Variants in FRMD5 observed in about 807,000 individuals in gnomAD.
FRMD5 encodes FERM domain containing 5, also known as FERM domain-containing protein 5.
FRMD5 carries 20 observed loss-of-function variants against 69.0 expected under a neutral mutation model. That is an observed-to-expected ratio of 0.29 (90% CI 0.20 to 0.42). The LOEUF (loss-of-function observed/expected upper bound fraction) is 0.42. FRMD5 is among the 10% of genes least tolerant of loss of function. The pLI, the probability that FRMD5 is intolerant of heterozygous loss-of-function variation, is 1.00. For synonymous variants in FRMD5, 271 were observed against 260.1 expected (o/e 1.04, Z -0.40); for missense variants, 595 against 708.6 (o/e 0.84, Z 1.82).
At chr15:43,908,923 G>A (rs1157230934) in intron 5 of FRMD5, among the ~76,000 whole-genome samples, 1 of 152,140 alleles carries the variant, frequency 6.6e-6, no homozygotes, top group Non-Finnish European at 1.5e-5. Flanking sequence ...TGCCTGAGAG[G>A]ATGGGGAAAA....
chr15:44,023,700 T>C (rs939476502), intron 1 of FRMD5, among the ~76,000 whole-genome samples: 1 of 152,152 alleles, frequency 6.6e-6, no homozygotes, highest in Non-Finnish European at 1.5e-5. Context: ...ATTACAAGAA[T>C]TGGCAAACAC....
chr15:44,108,658 A>G (rs978912635), intron 1 of FRMD5, among the ~76,000 whole-genome samples: 3 of 151,984 alleles, frequency 2.0e-5, no homozygotes, highest in African/African-American at 7.3e-5. Context: ...TAACAACACC[A>G]AAAAACAAAA....
At chr15:44,051,139 C>CTTTTTTT (rs779951038) in intron 1 of FRMD5, among the ~76,000 whole-genome samples, 5 of 78,396 alleles carry the variant, frequency 6.4e-5, no homozygotes, top group Admixed American at 1.4e-4. Flanking sequence ...CATTCAGTCA[C>CTTTTTTT]TTTTTTTTTT....
chr15:43,873,371 C>G lies in FRMD5; in HGVS notation c.*514G>C. On this transcript the variant is annotated 3_prime_UTR_variant, in exon 14 of 14. Transcript: ENST00000417257. The stretch of plus-strand genomic sequence containing the variant: ...AACAAACAAAAAACTAAACAGTCCC[C>G]ATTGTCCAGATCCCTGGCCTGCCCT... 1 of 1,458,188 alleles carries G rather than the reference C, an allele frequency of 6.9e-7. No homozygotes were observed. Among genetic ancestry groups the G allele is most frequent in the Non-Finnish European group, 9.0e-7 (1 of 1,113,146 alleles). 90.3% of individuals were successfully genotyped at this position (1,458,188 alleles called of 1,614,324 possible).
intron 3 of FRMD5, 21 bp from the exon 4 acceptor site, chr15:43,919,558 T>C: frequency 6.2e-7 from 1 of 1,612,198 alleles, no homozygotes; most frequent in Non-Finnish European, 8.5e-7. Context: ...AAAGAGGTGC[T>C]CATCAGGGAA....
intron 1 of FRMD5, among the ~76,000 whole-genome samples, chr15:44,106,156 G>A (rs1017433522): frequency 3.3e-5 from 5 of 151,998 alleles, no homozygotes; most frequent in African/African-American, 1.2e-4. Flanking sequence ...TGTTTCCTAA[G>A]AAAACACTTA....
chr15:44,057,937 T>C (rs1892937697), intron 1 of FRMD5, among the ~76,000 whole-genome samples: 1 of 152,200 alleles, frequency 6.6e-6, no homozygotes, highest in Admixed American at 6.5e-5. Flanking sequence ...GTGAAAACCA[T>C]GGAGTCCTAT....
intron 7 of FRMD5, among the ~76,000 whole-genome samples, chr15:43,898,710 C>A (rs781157493): frequency 6.6e-6 from 1 of 152,154 alleles, no homozygotes; most frequent in Non-Finnish European, 1.5e-5. Context: ...CAATGGACTG[C>A]CAGTGGTTTG....
At chr15:43,931,850 C>T (rs191008678) in intron 1 of FRMD5, among the ~76,000 whole-genome samples, 99 of 152,268 alleles carry the variant, frequency 6.5e-4, no homozygotes, top group Non-Finnish European at 1.3e-3. Flanking sequence ...GGTGCAGTTT[C>T]CTTTTCAACT....
At chr15:44,010,768 G>A (rs1017789649) in intron 1 of FRMD5, among the ~76,000 whole-genome samples, 1 of 152,052 alleles carries the variant, frequency 6.6e-6, no homozygotes, top group African/African-American at 2.4e-5. Context: ...AAACAGAAAG[G>A]AAGTTAAACA....
intron 3 of FRMD5, 86 bp downstream of exon 3, chr15:43,919,681 T>G (rs1287053481): frequency 1.4e-6 from 2 of 1,465,194 alleles, no homozygotes; most frequent in African/African-American, 1.4e-5. Flanking sequence ...AAATTATATA[T>G]GTAGATCAAA....
At chr15:44,064,488 C>T (rs1166666661) in intron 1 of FRMD5, among the ~76,000 whole-genome samples, 1 of 152,104 alleles carries the variant, frequency 6.6e-6, no homozygotes, top group Non-Finnish European at 1.5e-5. Flanking sequence ...ACTCTGGAGG[C>T]TGAGGCAGGA....
intron 1 of FRMD5, among the ~76,000 whole-genome samples, chr15:43,935,501 A>G (rs2089744885): frequency 1.3e-5 from 2 of 152,300 alleles, no homozygotes; most frequent in African/African-American, 2.4e-5. Context: ...AGTAATAAAC[A>G]AATAAATAAT....
intron 1 of FRMD5, among the ~76,000 whole-genome samples, chr15:43,961,155 A>G (rs1186804731): frequency 6.6e-6 from 1 of 152,220 alleles, no homozygotes; most frequent in East Asian, 1.9e-4. Flanking sequence ...ATAGACTGCT[A>G]GCAAGACTAA....
rs1381423176 is a variant in FRMD5 at position 44,182,819 on chromosome 15, G to A, written c.102+12134C>T. On this transcript the variant is annotated intron_variant, in intron 1 of 13. Transcript: ENST00000417257. ...ATATTCACATTTCATTTTTTGAGAC[G>A]GAGTCTCGCTCTGTCGCCCAGGCTA... Among the ~76,000 whole-genome samples the A allele has an allele frequency of 4.6e-5, 7 of 151,964 alleles. 1 individual carries two copies. The South Asian group carries it at 6.2e-4, about 14-fold the overall frequency.
At chr15:44,144,703 C>T (rs977434058) in intron 1 of FRMD5, among the ~76,000 whole-genome samples, 7 of 152,200 alleles carry the variant, frequency 4.6e-5, no homozygotes, top group African/African-American at 1.7e-4. Flanking sequence ...CAAACACTTG[C>T]ATAATTCATA....
intron 1 of FRMD5, among the ~76,000 whole-genome samples, chr15:43,952,809 AG>A (rs1319071554): frequency 3.9e-5 from 6 of 152,236 alleles, no homozygotes; most frequent in African/African-American, 1.2e-4. Flanking sequence ...CCACCCAGGA[AG>A]GGAAGTGAAT....
At chr15:44,107,803 T>C (rs1320561243) in intron 1 of FRMD5, among the ~76,000 whole-genome samples, 1 of 152,226 alleles carries the variant, frequency 6.6e-6, no homozygotes, top group African/African-American at 2.4e-5. Context: ...GATTTGGCTA[T>C]TGTGCTAGGG....
intron 1 of FRMD5, among the ~76,000 whole-genome samples, chr15:44,119,167 A>G (rs1370547418): frequency 6.6e-6 from 1 of 151,978 alleles, no homozygotes; most frequent in African/African-American, 2.4e-5. Context: ...ATGCTGCCCA[A>G]GCTGGTGTCA....
Sources: allele counts gnomAD v4.1 joint callset (sites outside exome capture counted in the v4.1 genomes callset), GRCh38; gene constraint gnomAD v4.1.1; transcripts MANE v1.5; gene names NCBI Gene and HGNC (gene_info 2026-07-23, HGNC 2026-07-21).